Variants in ASPRV1 observed in about 807,000 individuals in gnomAD.
The protein encoded by ASPRV1 is aspartic peptidase retroviral like 1, also known as retroviral-like aspartic protease 1.
Under a neutral mutation model 11.0 loss-of-function variants are expected in ASPRV1, and 7 were observed. The ratio of observed to expected loss-of-function variants is 0.64; its 90% CI spans 0.36 to 1.20. The LOEUF (loss-of-function observed/expected upper bound fraction) is 1.20. Ranked by LOEUF, ASPRV1 falls within the 50% of genes most tolerant of loss-of-function variation. The pLI is 0.02. For synonymous variants in ASPRV1, 136 were observed against 138.4 expected (o/e 0.98, Z 0.12); for missense variants, 299 against 320.0 (o/e 0.93, Z 0.50).
chr2:69,991,268 C>A, the ASPRV1 span, among the ~76,000 whole-genome samples: 4 of 152,158 alleles, frequency 2.6e-5, no homozygotes, highest in Non-Finnish European at 1.5e-5. Context: ...TAGGTCCTTG[C>A]CTCCCATGTG....
chr2:69,987,082 C>T, the ASPRV1 span, among the ~76,000 whole-genome samples: 2 of 151,978 alleles, frequency 1.3e-5, no homozygotes, highest in African/African-American at 4.8e-5. Context: ...ATGCTGCTCC[C>T]GGAAAAGGGA....
At chr2:70,062,244 G>A in the ASPRV1 span, among the ~76,000 whole-genome samples, 1 of 152,024 alleles carries the variant, frequency 6.6e-6, no homozygotes, top group Non-Finnish European at 1.5e-5. Context: ...GGCAGAGATT[G>A]CAGTGAGCCA....
chr2:70,014,359 T>C, the ASPRV1 span, among the ~76,000 whole-genome samples: 3 of 151,960 alleles, frequency 2.0e-5, no homozygotes, highest in South Asian at 4.1e-4. Flanking sequence ...GGCAAAGGAA[T>C]TGAACAGACA....
chr2:69,976,387 G>A, the ASPRV1 span: 2 of 152,314 alleles, frequency 1.3e-5, no homozygotes, highest in African/African-American at 4.8e-5. Flanking sequence ...CCGCAACCTC[G>A]ACCCTGAGGG....
the ASPRV1 span, among the ~76,000 whole-genome samples, chr2:69,972,067 A>AT: frequency 2.4e-3 from 339 of 143,542 alleles, 1 homozygote; most frequent in African/African-American, 5.1e-3. Context: ...TTTCTTTACC[A>AT]TTTTTTTTTT....
the ASPRV1 span, among the ~76,000 whole-genome samples, chr2:70,074,322 T>G: frequency 3.4e-5 from 5 of 149,116 alleles, 1 homozygote; most frequent in Admixed American, 2.0e-4. Context: ...AGAGTCTTGC[T>G]CTGTCGCCCA....
At position 69,960,349 on chromosome 2, in the gene ASPRV1, G is replaced by C. The variant is rs139791269; in HGVS notation, c.*308C>G. 3.2e-3 allele frequency: 1,044 copies of C among 327,930 alleles called. 7 individuals are homozygous for C. Among genetic ancestry groups the C allele is most frequent in the African/African-American group, 0.02 (992 of 48,642 alleles). 20.3% of individuals were successfully genotyped at this position (327,930 alleles called of 1,614,324 possible). ...GAAGGGGTCCCACAGTTCTTTCAAA[G>C]ACAAGCATTTCTAGCTTCCTTGGGA... On this transcript the variant is annotated 3_prime_UTR_variant, in exon 1 of 1. Transcript: ENST00000320256.
the ASPRV1 span, among the ~76,000 whole-genome samples, chr2:70,084,863 T>C: frequency 6.6e-6 from 1 of 152,224 alleles, no homozygotes; most frequent in African/African-American, 2.4e-5. Context: ...GTTGCTGTTA[T>C]GTACCTATTA....
the ASPRV1 span, among the ~76,000 whole-genome samples, chr2:69,994,625 C>T: frequency 1.3e-5 from 2 of 152,290 alleles, no homozygotes; most frequent in Non-Finnish European, 2.9e-5. Flanking sequence ...CTCTATGTTG[C>T]TCACCTGGTG....
chr2:70,044,529 G>A, the ASPRV1 span, among the ~76,000 whole-genome samples: 114 of 152,214 alleles, frequency 7.5e-4, no homozygotes, highest in African/African-American at 2.5e-3. Context: ...ACACGATCTC[G>A]GCTCACGGCA....
chr2:70,038,749 G>A, the ASPRV1 span, among the ~76,000 whole-genome samples: 2 of 152,160 alleles, frequency 1.3e-5, no homozygotes, highest in East Asian at 1.9e-4. Context: ...AATATGCTAA[G>A]GAGAGTTTGC....
At chr2:70,082,993 A>T in the ASPRV1 span, among the ~76,000 whole-genome samples, 1 of 152,230 alleles carries the variant, frequency 6.6e-6, no homozygotes, top group Non-Finnish European at 1.5e-5. Flanking sequence ...CTGCCCCCAG[A>T]GAACATAAGA....
At chr2:70,054,948 C>T in the ASPRV1 span, among the ~76,000 whole-genome samples, 31 of 152,074 alleles carry the variant, frequency 2.0e-4, 1 homozygote, top group East Asian at 5.4e-3. Flanking sequence ...CATATATATA[C>T]GTACAATGTT....
the ASPRV1 span, among the ~76,000 whole-genome samples, chr2:69,969,161 A>G: frequency 0.24 from 36,958 of 152,092 alleles, 8,166 homozygotes; most frequent in African/African-American, 0.56. Flanking sequence ...AGGCTGAGGC[A>G]TAGCCTGCAC....
chr2:70,048,414 T>C, the ASPRV1 span, among the ~76,000 whole-genome samples: 2 of 148,466 alleles, frequency 1.3e-5, no homozygotes, highest in African/African-American at 5.0e-5. Flanking sequence ...AACTCTGTCT[T>C]AAAAGAAAAA....
At chr2:70,038,576 C>T in the ASPRV1 span, among the ~76,000 whole-genome samples, 2 of 143,108 alleles carry the variant, frequency 1.4e-5, no homozygotes, top group African/African-American at 2.9e-5. Context: ...CAGAACAAAA[C>T]CATGTCTCAA....
the ASPRV1 span, among the ~76,000 whole-genome samples, chr2:69,966,793 T>C: frequency 6.6e-6 from 1 of 152,168 alleles, no homozygotes; most frequent in Non-Finnish European, 1.5e-5. Flanking sequence ...TTAAAACCTA[T>C]CAAATATCCT....
At chr2:70,027,177 G>A in the ASPRV1 span, among the ~76,000 whole-genome samples, 4 of 148,366 alleles carry the variant, frequency 2.7e-5, no homozygotes, top group East Asian at 2.1e-4. Context: ...AGGACCACTT[G>A]AGCCTGGGAG....
chr2:69,957,479 G>A (rs1470743294), downstream of ASPRV1, among the ~76,000 whole-genome samples: 4 of 150,938 alleles, frequency 2.7e-5, no homozygotes, highest in African/African-American at 4.9e-5. Flanking sequence ...CTGGGGAACT[G>A]GCATGCATTC....
Sources: gnomAD v4.1 joint callset for allele counts (sites outside exome capture counted in the v4.1 genomes callset) on GRCh38, gnomAD v4.1.1 for gene constraint, MANE v1.5 for transcripts, NCBI Gene and HGNC (gene_info 2026-07-23, HGNC 2026-07-21) for gene names.